The following PLEKHM3 variants were observed in gnomAD, a reference collection of about 807,000 sequenced individuals.
The protein encoded by PLEKHM3 is pleckstrin homology domain containing M3.
PLEKHM3 carries 45 observed loss-of-function variants against 81.8 expected under a neutral mutation model. That is an observed-to-expected ratio of 0.55 (90% CI 0.43 to 0.71). PLEKHM3 has a LOEUF of 0.71. Among genes scored for constraint, PLEKHM3 ranks in the 30% least tolerant of loss-of-function variants. PLEKHM3 has a pLI of 0.00. For missense variants in PLEKHM3, 788 were observed against 924.3 expected (o/e 0.85, Z 1.91); for synonymous variants, 352 against 356.4 (o/e 0.99, Z 0.14).
intron 2 of PLEKHM3, among the ~76,000 whole-genome samples, chr2:207,989,726 C>G (rs543688365): frequency 1.3e-5 from 2 of 152,294 alleles, no homozygotes; most frequent in South Asian, 4.1e-4. Flanking sequence ...CTTTTCCTCA[C>G]CCAACTTTTG....
chr2:207,834,231 G>C (rs148929611), intron 7 of PLEKHM3, among the ~76,000 whole-genome samples: 4 of 151,468 alleles, frequency 2.6e-5, no homozygotes, highest in Non-Finnish European at 4.4e-5. Context: ...CCAGGTTCAA[G>C]TGATTCTCCT....
intron 7 of PLEKHM3, chr2:207,852,663 A>G (rs1053558945): frequency 5.7e-6 from 2 of 350,128 alleles, no homozygotes; most frequent in Non-Finnish European, 1.1e-5. Flanking sequence ...GTTCCCTCAT[A>G]CAGAGGGAAC....
At chr2:208,011,785 CTTTTTTTTTTT>C (rs1177948830) in intron 1 of PLEKHM3, among the ~76,000 whole-genome samples, 30 of 79,978 alleles carry the variant, frequency 3.8e-4, no homozygotes, top group African/African-American at 1.3e-3. Flanking sequence ...CTCTGATAAA[CTTTTTTTTTTT>C]TTTTTTTTTT....
At chr2:207,936,590 A>G (rs949039502) in intron 4 of PLEKHM3, among the ~76,000 whole-genome samples, 3 of 152,182 alleles carry the variant, frequency 2.0e-5, no homozygotes, top group African/African-American at 7.2e-5. Flanking sequence ...CCAGGGGAAG[A>G]GAGGCACCTA....
chr2:208,021,478 T>A (rs894232522), intron 1 of PLEKHM3, among the ~76,000 whole-genome samples: 1 of 152,240 alleles, frequency 6.6e-6, no homozygotes, highest in African/African-American at 2.4e-5. Context: ...GTTTTCTATA[T>A]CTTGTTTTCT....
chr2:208,023,637 A>T (rs13417888), intron 1 of PLEKHM3, among the ~76,000 whole-genome samples: 5,598 of 152,026 alleles, frequency 0.037, 342 homozygotes, highest in African/African-American at 0.13. Context: ...TCCTTATGAG[A>T]ATCTAACTAA....
intron 1 of PLEKHM3, among the ~76,000 whole-genome samples, chr2:208,011,749 T>C (rs1574490634): frequency 2.0e-5 from 3 of 147,650 alleles, no homozygotes; most frequent in African/African-American, 5.0e-5. Flanking sequence ...CCCACAAACC[T>C]ATGGAATAAA....
intron 2 of PLEKHM3, among the ~76,000 whole-genome samples, chr2:207,980,700 C>T (rs1691491342): frequency 6.6e-6 from 1 of 152,056 alleles, no homozygotes; most frequent in Non-Finnish European, 1.5e-5. Context: ...TCCCAGCCAG[C>T]TGAGAATACA....
rs887512070 is a variant in PLEKHM3 at position 207,909,187 on chromosome 2, T to G, written c.1887-610A>C. ...TACAAATGAGAATAATGGGACAAGA[T>G]ATTTTAAATTAGGACTCTTCAACAA... On this transcript the variant is annotated intron_variant, in intron 5 of 7. Transcript: ENST00000427836. Among the ~76,000 whole-genome samples the G allele has an allele frequency of 3.3e-5, 5 of 152,192 alleles. No individual in the cohort carries two copies. The South Asian group carries it at 1.0e-3, about 31-fold the overall frequency.
Position 208,001,405 on chromosome 2 carries a change from T to G in PLEKHM3, c.235A>C (p.Arg79=). Residue 79 remains arginine, a synonymous_variant, in exon 2 of 8, where the codon AGG becomes CGG. Transcript: ENST00000427836. ...TTTTGAGCTTTGGTTTCTAAGAGCC[T>G]GCTCTTACAGTGGTCCCAAATCATG... is the stretch of plus-strand genomic sequence containing the variant. ...GGMIWDHCKS[R]LLETKAQNVF... 1 of 1,614,204 alleles carries G rather than the reference T, an allele frequency of 6.2e-7. No homozygotes were observed. The highest frequency in any genetic ancestry group is 8.5e-7 in the Non-Finnish European group (1 of 1,180,024).
At chr2:207,916,911 T>G (rs1344904269) in intron 5 of PLEKHM3, among the ~76,000 whole-genome samples, 1 of 152,244 alleles carries the variant, frequency 6.6e-6, no homozygotes, top group Non-Finnish European at 1.5e-5. Flanking sequence ...AGAATTCCTT[T>G]TGAAACTTTT....
At chr2:207,863,412 A>C (rs1292682833) in intron 6 of PLEKHM3, among the ~76,000 whole-genome samples, 1 of 152,186 alleles carries the variant, frequency 6.6e-6, no homozygotes, top group Admixed American at 6.5e-5. Context: ...CCTCCAAGAC[A>C]GTGTTGTCTT....
chr2:207,983,499 T>TC (rs760005593), intron 2 of PLEKHM3, among the ~76,000 whole-genome samples: 1 of 151,678 alleles, frequency 6.6e-6, no homozygotes, highest in African/African-American at 2.4e-5. Context: ...TATCACCATT[T>TC]CCCCAAAGAA....
intron 3 of PLEKHM3, among the ~76,000 whole-genome samples, chr2:207,971,532 T>C (rs143504844): frequency 1.9e-3 from 281 of 151,610 alleles, no homozygotes; most frequent in African/African-American, 6.6e-3. Context: ...CCCATAAAGA[T>C]GTATATTGTG....
chr2:207,826,960 C>G lies in PLEKHM3; in HGVS notation c.*1359G>C, dbSNP rs1056859024. 2.0e-5 allele frequency: 3 copies of G among 152,286 alleles called. No homozygotes were observed. The highest frequency in any genetic ancestry group is 3.4e-3 in the Middle Eastern group (1 of 294). 9.4% of individuals were successfully genotyped at this position (152,286 alleles called of 1,614,324 possible). On this transcript the variant is annotated 3_prime_UTR_variant, in exon 8 of 8. Transcript: ENST00000427836. ...GCCGTTTTGGTCACAGTGACTGCCA[C>G]GTGCTCTTCCAAGGGCACTGCAGCT...
intron 5 of PLEKHM3, among the ~76,000 whole-genome samples, chr2:207,915,519 T>C (rs1229839606): frequency 1.3e-5 from 2 of 152,186 alleles, no homozygotes; most frequent in African/African-American, 2.4e-5. Flanking sequence ...AAGGTTCTGA[T>C]AGATTTGATA....
intron 5 of PLEKHM3, among the ~76,000 whole-genome samples, chr2:207,908,819 T>C (rs779470017): frequency 6.6e-6 from 1 of 152,258 alleles, no homozygotes; most frequent in Non-Finnish European, 1.5e-5. Flanking sequence ...TTAAGTGCTA[T>C]AAGCACTGCG....
chr2:207,901,972 T>C (rs1688445285), intron 6 of PLEKHM3, among the ~76,000 whole-genome samples: 1 of 152,206 alleles, frequency 6.6e-6, no homozygotes, highest in Non-Finnish European at 1.5e-5. Flanking sequence ...GCTTTGTTTT[T>C]CTGCTTGTTA....
chr2:207,829,715 T>C (rs1323711751), intron 7 of PLEKHM3, among the ~76,000 whole-genome samples: 1 of 152,162 alleles, frequency 6.6e-6, no homozygotes, highest in Non-Finnish European at 1.5e-5. Context: ...CCCAGGGAAT[T>C]GCACCTGTGT....
Sources: allele counts gnomAD v4.1 joint callset (sites outside exome capture counted in the v4.1 genomes callset), GRCh38; gene constraint gnomAD v4.1.1; transcripts MANE v1.5; gene names NCBI Gene and HGNC (gene_info 2026-07-23, HGNC 2026-07-21).